Variants in BTNL8 observed in about 807,000 individuals in gnomAD.
BTNL8 encodes the protein butyrophilin like 8.
In BTNL8, 22 loss-of-function variants were observed where a neutral mutation model predicts 36.1. The ratio of observed to expected loss-of-function variants is 0.61; its 90% CI spans 0.44 to 0.87. BTNL8 has a LOEUF of 0.87. BTNL8 is among the 40% of genes least tolerant of loss of function. The pLI, the probability that BTNL8 is intolerant of heterozygous loss-of-function variation, is 0.00. For synonymous variants in BTNL8, 203 were observed against 235.6 expected, an observed-to-expected ratio of 0.86 and a Z score of 1.27; for missense variants, 526 against 616.9, an observed-to-expected ratio of 0.85 and a Z score of 1.56.
At chr5:180,911,848 C>T (rs527995236) in intron 3 of BTNL8, among the ~76,000 whole-genome samples, 19 of 152,240 alleles carry the variant, frequency 1.2e-4, no homozygotes, top group African/African-American at 2.9e-4. Flanking sequence ...TCAGCTGTGA[C>T]GTAACCCTGT....
intron 3 of BTNL8, among the ~76,000 whole-genome samples, chr5:180,946,797 A>G (rs1759274102): frequency 6.6e-6 from 1 of 152,230 alleles, no homozygotes; most frequent in Admixed American, 6.5e-5. Flanking sequence ...AAGGGAGATG[A>G]TGGATGTCTT....
chr5:180,950,668 C>A lies in BTNL8; in HGVS notation c.*124C>A. On this transcript the variant is annotated 3_prime_UTR_variant, in exon 8 of 8. Coordinates refer to ENST00000340184, the MANE Select transcript of BTNL8 (RefSeq NM_001040462.3). The stretch of plus-strand genomic sequence containing the variant: ...GGGACTGGCCTGTCCACATGGGAGT[C>A]AGGTGTCATGGCTGCCCTGAGCTGG... 2.0e-6 allele frequency: 2 copies of A among 1,022,156 alleles called. No homozygotes were observed. Among genetic ancestry groups the A allele is most frequent in the Non-Finnish European group, 2.8e-6 (2 of 714,880 alleles). The allele number at this position is 1,022,156 out of a possible 1,614,324, so 63.3% of individuals were successfully genotyped here.
chr5:180,926,169 G>A (rs979975160), intron 3 of BTNL8, among the ~76,000 whole-genome samples: 17 of 152,294 alleles, frequency 1.1e-4, no homozygotes, highest in East Asian at 5.8e-4. Flanking sequence ...TGCAGCCCAC[G>A]GAAAGGGAGC....
chr5:180,905,590 G>A (rs576359628), intron 1 of BTNL8, among the ~76,000 whole-genome samples: 2 of 97,044 alleles, frequency 2.1e-5, no homozygotes, highest in East Asian at 5.5e-4. Context: ...GTTTGCTCTT[G>A]CTTTTCTAGT....
Position 180,902,948 on chromosome 5 carries a change from A to C in BTNL8, c.49+3589A>C, listed in dbSNP as rs1338770016. Among the ~76,000 whole-genome samples, 3 of 120,352 alleles carry C rather than the reference A, an allele frequency of 2.5e-5. 1 individual carries two copies. Among genetic ancestry groups the C allele is most frequent in the African/African-American group, 1.2e-4 (3 of 24,020 alleles). The allele number at this position is 120,352 out of a possible 152,430, so 79.0% of individuals were successfully genotyped here. The stretch of plus-strand genomic sequence containing the variant: ...ATTGTTGGACATTTGGGTTGGTTCC[A>C]AGTCTTTGCTATTGTGAATAGTGCC... On this transcript the variant is annotated intron_variant, in intron 1 of 7. Coordinates refer to ENST00000340184, the MANE Select transcript of BTNL8 (RefSeq NM_001040462.3).
chr5:180,901,493 A>T (rs989823), intron 1 of BTNL8, among the ~76,000 whole-genome samples: 12,823 of 152,266 alleles, frequency 0.084, 619 homozygotes, highest in South Asian at 0.2. Context: ...ATTGTTAAAC[A>T]GATGAGCAAG....
At chr5:180,914,620 G>A (rs1368693244) in intron 3 of BTNL8, among the ~76,000 whole-genome samples, 1 of 152,194 alleles carries the variant, frequency 6.6e-6, no homozygotes, top group African/African-American at 2.4e-5. Flanking sequence ...AATTAAAAGT[G>A]TCTTAGGACT....
intron 3 of BTNL8, among the ~76,000 whole-genome samples, chr5:180,934,754 G>T (rs986629871): frequency 5.3e-5 from 8 of 152,230 alleles, no homozygotes; most frequent in African/African-American, 1.9e-4. Flanking sequence ...CACAGTCCTG[G>T]CATGGGAAGC....
At chr5:180,937,292 A>G (rs930445148) in intron 3 of BTNL8, among the ~76,000 whole-genome samples, 2 of 152,188 alleles carry the variant, frequency 1.3e-5, no homozygotes, top group Non-Finnish European at 2.9e-5. Context: ...GCCCTTGCCT[A>G]AAAACCAGCC....
At chr5:180,942,784 C>T (rs932278755) in intron 3 of BTNL8, among the ~76,000 whole-genome samples, 1 of 152,116 alleles carries the variant, frequency 6.6e-6, no homozygotes, top group African/African-American at 2.4e-5. Context: ...TAAAAATAAA[C>T]TCTTGATGAA....
chr5:180,902,187 GT>G (rs34352831), intron 1 of BTNL8, among the ~76,000 whole-genome samples: 58,531 of 150,648 alleles, frequency 0.39, 12,895 homozygotes, highest in African/African-American at 0.61. Flanking sequence ...GGATGTTTGG[GT>G]TTTTTTTTTA....
At chr5:180,916,568 C>T (rs917389106) in intron 3 of BTNL8, among the ~76,000 whole-genome samples, 1 of 151,924 alleles carries the variant, frequency 6.6e-6, no homozygotes, top group Non-Finnish European at 1.5e-5. Context: ...ATTGACAAGC[C>T]TTTACCTAGA....
chr5:180,947,164 A>G (rs1028652493), intron 3 of BTNL8, among the ~76,000 whole-genome samples: 38 of 152,354 alleles, frequency 2.5e-4, no homozygotes, highest in African/African-American at 8.4e-4. Context: ...ACTCAAAATT[A>G]TTGGCACAAA....
intron 3 of BTNL8, among the ~76,000 whole-genome samples, chr5:180,937,225 G>C (rs1035194229): frequency 1.3e-5 from 2 of 152,104 alleles, no homozygotes; most frequent in African/African-American, 4.8e-5. Context: ...TTGCCTCCTC[G>C]ACTGGTACAC....
At chr5:180,933,424 A>G (rs560334755) in intron 3 of BTNL8, among the ~76,000 whole-genome samples, 26 of 152,356 alleles carry the variant, frequency 1.7e-4, no homozygotes, top group African/African-American at 5.8e-4. Flanking sequence ...TTTAAATTTA[A>G]GAGGATTAAA....
At position 180,906,528 on chromosome 5, in the gene BTNL8, C is replaced by T. The variant is rs201217164; in HGVS notation, c.50-2058C>T. On this transcript the variant is annotated intron_variant, in intron 1 of 7. Coordinates refer to ENST00000340184, the MANE Select transcript of BTNL8 (RefSeq NM_001040462.3). Reference sequence around the variant, plus strand: ...GAGCATTTAGTCCATTTACATTTAACGTTAATATTGTTATGTGTGAATTTG... The same window carrying T: ...GAGCATTTAGTCCATTTACATTTAATGTTAATATTGTTATGTGTGAATTTG... Among the ~76,000 whole-genome samples the T allele has an allele frequency of 2.1e-3, 260 of 122,740 alleles. 12 individuals are homozygous for T. In the East Asian group the frequency reaches 0.023, roughly 11 times the overall value. 80.5% of individuals were successfully genotyped at this position (122,740 alleles called of 152,430 possible).
rs543371321 is a variant in BTNL8, at chr5:180,908,339, G to A, written c.50-247G>A. Among the ~76,000 whole-genome samples, 10 of 152,260 alleles carry A rather than the reference G, an allele frequency of 6.6e-5. No individual in the cohort carries two copies. The South Asian group carries it at 1.4e-3, about 22-fold the overall frequency. ...AACTCCCTGACCCCTTGCGCTTCCC[G>A]AGTGAGGCAATGCCTCGCCCTGCTT... On this transcript the variant is annotated intron_variant, in intron 1 of 7. Coordinates refer to ENST00000340184, the MANE Select transcript of BTNL8 (RefSeq NM_001040462.3).
intron 1 of BTNL8, among the ~76,000 whole-genome samples, chr5:180,902,814 G>A (rs1026455203): frequency 4.2e-5 from 6 of 142,278 alleles, no homozygotes; most frequent in Non-Finnish European, 9.0e-5. Context: ...TGAGAATGAT[G>A]ATTTCTAATT....
chr5:180,945,984 CATTA>C (rs1335984278), intron 3 of BTNL8: 1 of 136,188 alleles, frequency 7.3e-6, no homozygotes, highest in Admixed American at 7.0e-5. Context: ...ATAAAATAAA[CATTA>C]ATAAATAAAT....
Sources: allele counts gnomAD v4.1 joint callset (sites outside exome capture counted in the v4.1 genomes callset), GRCh38; gene constraint gnomAD v4.1.1; transcripts MANE v1.5; gene names NCBI Gene and HGNC (gene_info 2026-07-23, HGNC 2026-07-21).